Variants in ARHGAP44 observed in about 807,000 individuals in gnomAD.
ARHGAP44 encodes the protein rho GTPase-activating protein 44.
Under a neutral mutation model 106.8 loss-of-function variants are expected in ARHGAP44, and 43 were observed. That is an observed-to-expected ratio of 0.40 (90% CI 0.32 to 0.52). The LOEUF is 0.52. Ranked by LOEUF, ARHGAP44 falls within the 20% of genes least tolerant of loss-of-function variation. The pLI, the probability that ARHGAP44 is intolerant of heterozygous loss-of-function variation, is 0.48. For synonymous variants in ARHGAP44, 439 were observed against 410.3 expected (o/e 1.07, Z -0.85); for missense variants, 866 against 1,050.5 (o/e 0.82, Z 2.43).
At chr17:12,911,556 T>C (rs1210502605) in intron 4 of ARHGAP44, among the ~76,000 whole-genome samples, 7 of 152,182 alleles carry the variant, frequency 4.6e-5, no homozygotes, top group Non-Finnish European at 8.8e-5. Context: ...ATAGTGGGTC[T>C]TTGGGGGTGG....
At chr17:12,987,166 G>A (rs1231583995) in intron 20 of ARHGAP44, 20 of 1,530,792 alleles carry the variant, frequency 1.3e-5, no homozygotes, top group African/African-American at 9.7e-5. Flanking sequence ...AGCTGGCCCC[G>A]GCCTCGCCCC....
At chr17:12,957,991 C>T (rs187643408) in intron 15 of ARHGAP44, among the ~76,000 whole-genome samples, 353 of 152,126 alleles carry the variant, frequency 2.3e-3, no homozygotes, top group African/African-American at 7.8e-3. Context: ...CTAAGAGTTG[C>T]GTTGATAACA....
intron 16 of ARHGAP44, among the ~76,000 whole-genome samples, chr17:12,967,868 C>T (rs372514174): frequency 5.9e-5 from 9 of 152,296 alleles, no homozygotes; most frequent in East Asian, 5.8e-4. Context: ...CCTGCTTACA[C>T]GGTGTGAAAG....
At chr17:12,984,403 T>C in intron 19 of ARHGAP44, 128 bp from the exon 20 acceptor site, 1 of 957,050 alleles carries the variant, frequency 1.0e-6, no homozygotes, top group East Asian at 3.1e-5. Flanking sequence ...GGCAGGGAGG[T>C]GTGGGTGGGT....
At chr17:12,839,419 A>T (rs1399200098) in intron 1 of ARHGAP44, among the ~76,000 whole-genome samples, 2 of 152,188 alleles carry the variant, frequency 1.3e-5, no homozygotes, top group Non-Finnish European at 2.9e-5. Flanking sequence ...AATGAACTCT[A>T]ATTTGTTTAA....
chr17:12,830,347 C>T lies in ARHGAP44; in HGVS notation c.53+40456C>T, dbSNP rs577555734. Among the ~76,000 whole-genome samples, 17 of 149,896 alleles carry T rather than the reference C, an allele frequency of 1.1e-4. No homozygotes were observed. The South Asian group carries it at 1.7e-3, about 15-fold the overall frequency. On this transcript the variant is annotated intron_variant, in intron 1 of 20. Coordinates refer to ENST00000379672, the MANE Select transcript of ARHGAP44 (RefSeq NM_014859.6). Reference sequence around the variant, plus strand: ...TGTAAGAGAGGTCTTTTTTTTTCTTCCTGGTTCTTTGACTACTCTTGGGGT... The same window carrying T: ...TGTAAGAGAGGTCTTTTTTTTTCTTTCTGGTTCTTTGACTACTCTTGGGGT...
chr17:12,869,486 T>C (rs2150879845), intron 1 of ARHGAP44, among the ~76,000 whole-genome samples: 1 of 152,298 alleles, frequency 6.6e-6, no homozygotes, highest in Admixed American at 6.5e-5. Context: ...TAATAAAATT[T>C]ACCATCTTAA....
intron 1 of ARHGAP44, among the ~76,000 whole-genome samples, chr17:12,816,790 T>C (rs917637190): frequency 1.3e-5 from 2 of 152,114 alleles, no homozygotes; most frequent in South Asian, 4.1e-4. Flanking sequence ...AAAGGACAAG[T>C]AGACAAATCC....
At chr17:12,801,379 G>A (rs970118806) in intron 1 of ARHGAP44, among the ~76,000 whole-genome samples, 1 of 152,212 alleles carries the variant, frequency 6.6e-6, no homozygotes, top group Non-Finnish European at 1.5e-5. Context: ...TTAAGAGTAG[G>A]TTCTGGTGTC....
chr17:12,828,780 T>C (rs897248554), intron 1 of ARHGAP44, among the ~76,000 whole-genome samples: 3 of 151,742 alleles, frequency 2.0e-5, no homozygotes, highest in Non-Finnish European at 4.4e-5. Flanking sequence ...TAGCTGGGAC[T>C]ACAGGCGTCC....
intron 1 of ARHGAP44, among the ~76,000 whole-genome samples, chr17:12,866,201 T>C (rs1205737889): frequency 1.3e-5 from 2 of 152,214 alleles, no homozygotes; most frequent in Admixed American, 6.5e-5. Flanking sequence ...ATTATGATTT[T>C]AGGGGTTGGA....
At chr17:12,965,098 C>T (rs902081467) in intron 16 of ARHGAP44, among the ~76,000 whole-genome samples, 9 of 152,292 alleles carry the variant, frequency 5.9e-5, no homozygotes, top group African/African-American at 2.2e-4. Context: ...AGCCTGAAAC[C>T]CACGGATGTC....
chr17:12,843,747 C>T (rs1196583670), intron 1 of ARHGAP44, among the ~76,000 whole-genome samples: 1 of 151,226 alleles, frequency 6.6e-6, no homozygotes, highest in African/African-American at 2.4e-5. Context: ...CCACCACCAC[C>T]CAGGTTCAAG....
At chr17:12,974,032 C>A in intron 17 of ARHGAP44, 57 bp from the exon 18 acceptor site, 2 of 1,503,928 alleles carry the variant, frequency 1.3e-6, no homozygotes, top group Non-Finnish European at 1.8e-6. Flanking sequence ...GGGGAGGGAG[C>A]CTGTCTCCTG....
At chr17:12,868,591 T>A (rs9303063) in intron 1 of ARHGAP44, among the ~76,000 whole-genome samples, 1,781 of 46,984 alleles carry the variant, frequency 0.038, 175 homozygotes, top group South Asian at 0.062. Context: ...TATATGCATT[T>A]TATATATATA....
chr17:12,834,984 A>T (rs899963143), intron 1 of ARHGAP44, among the ~76,000 whole-genome samples: 4 of 152,210 alleles, frequency 2.6e-5, no homozygotes, highest in African/African-American at 9.6e-5. Context: ...TTGGTTGCTA[A>T]GGAGACTGAA....
At chr17:12,819,781 T>C (rs1482450675) in intron 1 of ARHGAP44, among the ~76,000 whole-genome samples, 2 of 152,130 alleles carry the variant, frequency 1.3e-5, no homozygotes, top group East Asian at 1.9e-4. Context: ...TCTTCTGTTT[T>C]GATTTGTAGG....
At chr17:12,919,710 C>T (rs1295960829) in intron 5 of ARHGAP44, 45 bp from the exon 6 acceptor site, 2 of 1,549,012 alleles carry the variant, frequency 1.3e-6, no homozygotes, top group Middle Eastern at 1.7e-4. Context: ...AAGAATTTAT[C>T]TTGAGCTTCA....
chr17:12,890,269 G>A (rs567484105), intron 1 of ARHGAP44, among the ~76,000 whole-genome samples: 2 of 152,306 alleles, frequency 1.3e-5, no homozygotes, highest in Admixed American at 1.3e-4. Flanking sequence ...TCCCTAGGCT[G>A]TCTGATACAT....
Sources: gnomAD v4.1 joint callset for allele counts (sites outside exome capture counted in the v4.1 genomes callset) on GRCh38, gnomAD v4.1.1 for gene constraint, MANE v1.5 for transcripts, NCBI Gene and HGNC (gene_info 2026-07-23, HGNC 2026-07-21) for gene names.